The following ZNF605 variants were observed in gnomAD, a reference collection of about 807,000 sequenced individuals.
ZNF605 encodes zinc finger protein 605.
Under a neutral mutation model 7.9 loss-of-function variants are expected in ZNF605, and 9 were observed. The observed-to-expected ratio is 1.14, with a 90% CI of 0.68 to 1.98. The LOEUF is 1.98. Among genes scored for constraint, ZNF605 ranks in the 30% most tolerant of loss-of-function variants. The probability of loss-of-function intolerance (pLI) is 0.00; values close to 1 mark genes in which losing one functional copy is unlikely to be tolerated. For synonymous variants in ZNF605, 255 were observed against 260.1 expected, an observed-to-expected ratio of 0.98 and a Z score of 0.19; for missense variants, 673 against 762.4, an observed-to-expected ratio of 0.88 and a Z score of 1.38.
chr12:132,948,994 T>C (rs2137160671), intron 1 of ZNF605, among the ~76,000 whole-genome samples: 1 of 152,094 alleles, frequency 6.6e-6, no homozygotes, highest in South Asian at 2.1e-4. Context: ...GAGACCAGTG[T>C]AGCTCACGCC....
intron 1 of ZNF605, among the ~76,000 whole-genome samples, chr12:132,951,025 G>A (rs1952557314): frequency 4.8e-5 from 7 of 147,036 alleles, no homozygotes; most frequent in Admixed American, 6.8e-5. Flanking sequence ...CTGATAACAC[G>A]TACATCACAG....
intron 3 of ZNF605, among the ~76,000 whole-genome samples, chr12:132,942,962 G>T (rs915039299): frequency 6.6e-6 from 1 of 152,076 alleles, no homozygotes; most frequent in South Asian, 2.1e-4. Context: ...TTATTGTCAC[G>T]GCCCGTCAAA....
At chr12:132,946,635 G>C (rs1277379435) in intron 2 of ZNF605, among the ~76,000 whole-genome samples, 1 of 152,196 alleles carries the variant, frequency 6.6e-6, no homozygotes, top group Non-Finnish European at 1.5e-5. Context: ...AGGGGTAAAG[G>C]CTGCTGCTGT....
chr12:132,930,565 A>C (rs1241200643), intron 4 of ZNF605, among the ~76,000 whole-genome samples: 1 of 152,212 alleles, frequency 6.6e-6, no homozygotes, highest in Non-Finnish European at 1.5e-5. Flanking sequence ...TGAGCTTCTA[A>C]TATAGTTCCT....
At position 132,933,064 on chromosome 12, in the gene ZNF605, A is replaced by G; in HGVS notation, c.107T>C (p.Leu36Ser). The part of the protein sequence containing the change: ...TQKNLYRDVM[L>S]ENYSNLVFLE... ...GAAAACCAGATTGCTATAGTTCTCC[A>G]ACATCACATCTCTGTACAAGTTCTT... is the stretch of plus-strand genomic sequence containing the variant. The change falls in exon 4 of 5, where the codon TTG becomes TCG. Residue 36 changes from leucine (L) to serine (S), a missense_variant. By Grantham distance (145) the Leu-to-Ser change is moderately radical. Transcript: ENST00000360187. The surrounding 1 kb of genome is among the most constrained non-coding windows in gnomAD (Gnocchi z 4.4). The G allele has an allele frequency of 1.2e-6, 2 of 1,605,130 alleles. No individual in the cohort carries two copies. Among genetic ancestry groups the G allele is most frequent in the Non-Finnish European group, 1.7e-6 (2 of 1,174,482 alleles).
At position 132,926,366 on chromosome 12, in the gene ZNF605, A is replaced by G. The variant is rs202014408; in HGVS notation, c.933T>C (p.Cys311=). 147 of 1,613,776 alleles carry G rather than the reference A, an allele frequency of 9.1e-5. No individual in the cohort carries two copies. Among genetic ancestry groups the G allele is most frequent in the Middle Eastern group, 8.3e-4 (5 of 6,058 alleles). The change falls in exon 5 of 5, where the codon TGT becomes TGC. Residue 311 remains cysteine (C), a synonymous_variant. Transcript: ENST00000360187. ...AAAAGAAGGCTTTTCCACAGTGACT[A>G]CATGGATAGGGTTTCTCTCCTGTGT... ...RAHTGEKPYP[C]SHCGKAFFWK...
rs999622013 is a variant in ZNF605 at position 132,922,312 on chromosome 12, A to G, written c.*3061T>C. 6.6e-6 allele frequency: 1 copy of G among 152,238 alleles called. No individual in the cohort carries two copies. Among genetic ancestry groups the G allele is most frequent in the Non-Finnish European group, 1.5e-5 (1 of 68,042 alleles). The allele number at this position is 152,238 out of a possible 1,614,324, so 9.4% of individuals were successfully genotyped here. A position where few individuals can be genotyped will look rare whatever the true frequency, so the allele number is the denominator to read the frequency against. On this transcript the variant is annotated 3_prime_UTR_variant, in exon 5 of 5. Coordinates refer to ENST00000360187, the MANE Select transcript of ZNF605 (RefSeq NM_183238.4). ...TAACCCAGAGGTAGTAAAAGACTTC[A>G]TAAGTCTTTCTATTACTGAAGAGGA...
In ZNF605 at chr12:132,941,196, A is replaced by G. The variant is rs1952436995; in HGVS notation, c.15+4425T>C. ...AGATATGTGACTGACCGCCTCATGG[A>G]GCCATGAGAAACGTCCCACAGAGAT... is the stretch of plus-strand genomic sequence containing the variant. On this transcript the variant is annotated intron_variant, in intron 3 of 4. Coordinates refer to ENST00000360187, the MANE Select transcript of ZNF605 (RefSeq NM_183238.4). The surrounding 1 kb of genome is among the most constrained non-coding windows in gnomAD (Gnocchi z 5.1). Among the ~76,000 whole-genome samples, 1 of 151,990 alleles carries G rather than the reference A, an allele frequency of 6.6e-6. No homozygotes were observed. Among genetic ancestry groups the G allele is most frequent in the Non-Finnish European group, 1.5e-5 (1 of 68,010 alleles).
intron 1 of ZNF605, among the ~76,000 whole-genome samples, chr12:132,953,670 C>T (rs1396005723): frequency 6.8e-6 from 1 of 148,120 alleles, no homozygotes; most frequent in Non-Finnish European, 1.5e-5. Flanking sequence ...CCTGATCTGC[C>T]TGCCTCAGCC....
chr12:132,936,808 T>C (rs1336265086), intron 3 of ZNF605, among the ~76,000 whole-genome samples: 4 of 152,100 alleles, frequency 2.6e-5, no homozygotes, highest in Admixed American at 2.6e-4. Context: ...GGTTTGGCAA[T>C]GAGTTAGATA....
rs200778205 is a variant in ZNF605 at position 132,926,287 on chromosome 12, C to T, written c.1012G>A (p.Gly338Arg). ...QRTHTGKKPY[G>R]CGECQKAFSR... Reference sequence around the variant, plus strand: ...AAGGCTTTTTGACACTCACCACATCCGTAAGGTTTCTTCCCTGTGTGGGTC... The same window carrying T: ...AAGGCTTTTTGACACTCACCACATCTGTAAGGTTTCTTCCCTGTGTGGGTC... Residue 338 changes from glycine to arginine, a missense_variant, in exon 5 of 5, where the codon GGA becomes AGA. Transcript: ENST00000360187. 198 of 1,613,898 alleles carry T rather than the reference C, an allele frequency of 1.2e-4. No homozygotes were observed. In the Admixed American group the frequency reaches 1.5e-3, roughly 12 times the overall value.
intron 3 of ZNF605, among the ~76,000 whole-genome samples, chr12:132,942,961 C>A (rs1488979390): frequency 6.6e-6 from 1 of 152,142 alleles, no homozygotes; most frequent in African/African-American, 2.4e-5. Context: ...GTTATTGTCA[C>A]GGCCCGTCAA....
chr12:132,919,176 T>C lies in ZNF605; in HGVS notation c.*6197A>G, dbSNP rs1189612997. 3 of 152,090 alleles carry C rather than the reference T, an allele frequency of 2.0e-5. No individual in the cohort carries two copies. The highest frequency in any genetic ancestry group is 4.4e-5 in the Non-Finnish European group (3 of 68,018). 9.4% of individuals were successfully genotyped at this position (152,090 alleles called of 1,614,324 possible). On this transcript the variant is annotated 3_prime_UTR_variant, in exon 5 of 5. Transcript: ENST00000360187. Reference sequence around the variant, plus strand: ...CACTTCTCCCACCCCCTATTGTAAGTTTAAGCTTGATTTGTTTTTTTAAGT... The same window carrying C: ...CACTTCTCCCACCCCCTATTGTAAGCTTAAGCTTGATTTGTTTTTTTAAGT...
At position 132,925,386 on chromosome 12, in the gene ZNF605, T is replaced by C; in HGVS notation, c.1913A>G (p.Asn638Ser). The C allele has an allele frequency of 6.3e-7, 1 of 1,579,012 alleles. No homozygotes were observed. The highest frequency in any genetic ancestry group is 8.6e-7 in the Non-Finnish European group (1 of 1,162,734). Residue 638 changes from asparagine to serine, a missense_variant, in exon 5 of 5, where the codon AAT (asparagine) becomes AGT (serine). Asn to Ser is a conservative substitution (Grantham distance 46). Coordinates refer to ENST00000360187, the MANE Select transcript of ZNF605 (RefSeq NM_183238.4). ...AAGTCATGATTTTTATATTATATGA[T>C]TTCTCTGATGTATCATAAGCTGCGA... ...RKSQLMIHQR[N>S]HII
chr12:132,951,472 G>A (rs949499759), intron 1 of ZNF605, among the ~76,000 whole-genome samples: 10 of 150,388 alleles, frequency 6.6e-5, no homozygotes, highest in Non-Finnish European at 1.2e-4. Flanking sequence ...AGACATGCAC[G>A]CAGATTCATA....
At position 132,925,344 on chromosome 12, in the gene ZNF605, C is replaced by G. The variant is rs1445784355; in HGVS notation, c.*29G>C. The G allele has an allele frequency of 1.3e-6, 2 of 1,502,696 alleles. No homozygotes were observed. Among genetic ancestry groups the G allele is most frequent in the Non-Finnish European group, 1.8e-6 (2 of 1,111,752 alleles). 93.1% of individuals were successfully genotyped at this position (1,502,696 alleles called of 1,614,324 possible). ...CAGAAAGTATGACACTTGATAGCAA[C>G]CTTTCTGCATTCGCCAAAGTCATGA... On this transcript the variant is annotated 3_prime_UTR_variant, in exon 5 of 5. Coordinates refer to ENST00000360187, the MANE Select transcript of ZNF605 (RefSeq NM_183238.4).
chr12:132,926,334 G>A lies in ZNF605; in HGVS notation c.965C>T (p.Ser322Leu), dbSNP rs1952247321. The A allele has an allele frequency of 8.1e-6, 13 of 1,613,970 alleles. No homozygotes were observed. The highest frequency in any genetic ancestry group is 1.3e-5 in the African/African-American group (1 of 74,888). ...GGTCCTCTGATGAGTAATCAGCTGC[G>A]ACTTCCAAAAGAAGGCTTTTCCACA... ...SHCGKAFFWK[S>L]QLITHQRTHT... Residue 322 changes from serine (S) to leucine (L), a missense_variant, in exon 5 of 5, where the codon TCG (serine) becomes TTG (leucine). Ser to Leu is a moderately radical substitution (Grantham distance 145, BLOSUM62 -2). Transcript: ENST00000360187.
At chr12:132,938,864 C>T (rs1424948625) in intron 3 of ZNF605, among the ~76,000 whole-genome samples, 2 of 152,138 alleles carry the variant, frequency 1.3e-5, no homozygotes, top group East Asian at 3.9e-4. Context: ...GCCAGCCCTG[C>T]TGGCCCCGGG....
At chr12:132,953,519 T>G (rs11147176) in intron 1 of ZNF605, among the ~76,000 whole-genome samples, 1 of 152,078 alleles carries the variant, frequency 6.6e-6, no homozygotes, top group African/African-American at 2.4e-5. Context: ...CTCTGCCTCC[T>G]GGGTTCAAGC....
Sources: allele counts gnomAD v4.1 joint callset (sites outside exome capture counted in the v4.1 genomes callset), GRCh38; gene constraint gnomAD v4.1.1; non-coding constraint Gnocchi (gnomAD v3.1); transcripts MANE v1.5; gene names NCBI Gene and HGNC (gene_info 2026-07-23, HGNC 2026-07-21).